The following ITGA1 variants were observed in gnomAD, a reference collection of about 807,000 sequenced individuals.
ITGA1 encodes integrin alpha-1.
In ITGA1, 85 loss-of-function variants were observed where a neutral mutation model predicts 145.9. That is an observed-to-expected ratio of 0.58 (90% CI 0.49 to 0.70). The LOEUF is 0.70. ITGA1 is among the 30% of genes least tolerant of loss of function. The pLI is 0.00. For synonymous variants in ITGA1, 520 were observed against 495.3 expected (o/e 1.05, Z -0.66); for missense variants, 1,351 against 1,418.7 (o/e 0.95, Z 0.77).
intron 28 of ITGA1, among the ~76,000 whole-genome samples, chr5:52,950,731 A>G (rs1229810065): frequency 6.6e-6 from 1 of 152,220 alleles, no homozygotes; most frequent in Non-Finnish European, 1.5e-5. Flanking sequence ...TTTAAAATAG[A>G]ACATTTAATG....
At chr5:52,900,665 C>T (rs6450093) in intron 11 of ITGA1, among the ~76,000 whole-genome samples, 5,199 of 152,158 alleles carry the variant, frequency 0.034, 340 homozygotes, top group African/African-American at 0.12. Context: ...GTACAATTAG[C>T]GATAGCGATG....
intron 1 of ITGA1, chr5:52,801,727 C>G: frequency 6.2e-7 from 1 of 1,614,074 alleles, no homozygotes. Flanking sequence ...ATTCTCTAGT[C>G]TTCACGTTTC....
chr5:52,847,799 C>T (rs1051062013), intron 1 of ITGA1, among the ~76,000 whole-genome samples: 1 of 152,178 alleles, frequency 6.6e-6, no homozygotes, highest in Non-Finnish European at 1.5e-5. Flanking sequence ...AGGTGATCCA[C>T]CCACCTCTCA....
chr5:52,912,745 T>G (rs1561247380), intron 14 of ITGA1, among the ~76,000 whole-genome samples: 1 of 146,006 alleles, frequency 6.8e-6, no homozygotes, highest in East Asian at 2.0e-4. Flanking sequence ...TGTGTGTATA[T>G]ATATATATAT....
intron 2 of ITGA1, among the ~76,000 whole-genome samples, chr5:52,857,579 T>G (rs1749536562): frequency 6.6e-6 from 1 of 152,134 alleles, no homozygotes. Context: ...TTGCCTCCTA[T>G]TCTTTATATT....
At chr5:52,933,550 GAA>G (rs201301316) in intron 22 of ITGA1, 9,664 of 155,726 alleles carry the variant, frequency 0.062, 785 homozygotes, top group African/African-American at 0.19. Context: ...AATCTATTTA[GAA>G]TTCAGCATTA....
At chr5:52,804,555 T>A (rs973654323) in intron 1 of ITGA1, among the ~76,000 whole-genome samples, 11 of 152,202 alleles carry the variant, frequency 7.2e-5, no homozygotes, top group Admixed American at 5.2e-4. Flanking sequence ...TATCTTTACT[T>A]AGTTTCTGTC....
chr5:52,852,014 T>C (rs899800578), intron 2 of ITGA1, among the ~76,000 whole-genome samples: 6 of 152,152 alleles, frequency 3.9e-5, no homozygotes, highest in African/African-American at 1.4e-4. Flanking sequence ...ATAAATTCAA[T>C]GGGAATTCAA....
chr5:52,931,956 G>T, intron 21 of ITGA1, 91 bp from the exon 22 acceptor site: 1 of 731,378 alleles, frequency 1.4e-6, no homozygotes, highest in Non-Finnish European at 2.4e-6. Flanking sequence ...TTATTTAGTT[G>T]CCAGGATAAG....
chr5:52,802,047 C>T (rs989889670), intron 1 of ITGA1: 1 of 488,490 alleles, frequency 2.0e-6, no homozygotes. Flanking sequence ...CACGTACTAC[C>T]ATCTTGATTA....
chr5:52,891,601 A>G (rs1054353578), intron 8 of ITGA1, among the ~76,000 whole-genome samples: 1 of 151,112 alleles, frequency 6.6e-6, no homozygotes, highest in Non-Finnish European at 1.5e-5. Flanking sequence ...TTCAGGTAAC[A>G]CTTGCAACTA....
In ITGA1 at chr5:52,925,335, C is replaced by T. The variant is rs1161182063; in HGVS notation, c.2461C>T (p.His821Tyr). The change falls in exon 19 of 29, where the codon CAT (histidine) becomes TAT (tyrosine). Residue 821 changes from histidine (H) to tyrosine (Y), a missense_variant. Coordinates refer to ENST00000282588, the MANE Select transcript of ITGA1 (RefSeq NM_181501.2). Reference protein sequence around the residue: ...KEKCISDLSLHVATTEKDLLI... With the variant: ...KEKCISDLSLYVATTEKDLLI... ...AAAATGTATCTCAGACCTCAGCCTGCATGTCGCCACCACTGAAAAGGACCT... is the reference window on the plus strand; with the variant it reads ...AAAATGTATCTCAGACCTCAGCCTGTATGTCGCCACCACTGAAAAGGACCT... 6 of 1,614,116 alleles carry T rather than the reference C, an allele frequency of 3.7e-6. No homozygotes were observed. In the South Asian group the frequency reaches 4.4e-5, roughly 12 times the overall value.
intron 1 of ITGA1, chr5:52,800,135 G>T (rs537802580): frequency 7.8e-6 from 4 of 511,870 alleles, no homozygotes; most frequent in Non-Finnish European, 1.4e-5. Flanking sequence ...AGCGGGAACT[G>T]TGTAGGGGTA....
intron 18 of ITGA1, 119 bp from the exon 19 acceptor site, chr5:52,925,159 C>A: frequency 1.5e-6 from 1 of 682,888 alleles, no homozygotes; most frequent in Admixed American, 2.5e-5. Context: ...CAGGGAAATT[C>A]TCCTTATGAG....
At chr5:52,877,300 A>C (rs746086926) in intron 6 of ITGA1, among the ~76,000 whole-genome samples, 7 of 152,146 alleles carry the variant, frequency 4.6e-5, no homozygotes, top group Non-Finnish European at 8.8e-5. Flanking sequence ...TCAGCAGCAA[A>C]GAGACTGACC....
Position 52,910,078 on chromosome 5 carries a change from G to A in ITGA1, c.1600-84G>A, listed in dbSNP as rs370606330. 4.4e-5 allele frequency: 57 copies of A among 1,287,292 alleles called. No individual in the cohort carries two copies. In the African/African-American group the frequency reaches 6.4e-4, roughly 14 times the overall value. 79.7% of individuals were successfully genotyped at this position (1,287,292 alleles called of 1,614,324 possible). On this transcript the variant is annotated intron_variant, in intron 13 of 28. Transcript: ENST00000282588. ...ACTAATGTACAAATGGCTGTTAATA[G>A]CACTGATTTAGTATACTTTAAAAAT...
At chr5:52,879,615 A>G (rs1749922789) in intron 6 of ITGA1, among the ~76,000 whole-genome samples, 2 of 152,320 alleles carry the variant, frequency 1.3e-5, no homozygotes, top group South Asian at 4.1e-4. Flanking sequence ...TGTTCCTCAC[A>G]TTTTATTATA....
At chr5:52,800,469 CAT>C in intron 1 of ITGA1, 2 of 1,614,076 alleles carry the variant, frequency 1.2e-6, no homozygotes, top group Non-Finnish European at 1.7e-6. Flanking sequence ...AGCCTGAGGA[CAT>C]GTGGCACACT....
chr5:52,899,677 G>A (rs16880453), intron 11 of ITGA1, among the ~76,000 whole-genome samples: 2 of 151,926 alleles, frequency 1.3e-5, no homozygotes, highest in Admixed American at 6.6e-5. Flanking sequence ...TCACTCTCTC[G>A]AAAACTTAAA....
Sources: gnomAD v4.1 joint callset for allele counts (sites outside exome capture counted in the v4.1 genomes callset) on GRCh38, gnomAD v4.1.1 for gene constraint, MANE v1.5 for transcripts, NCBI Gene and HGNC (gene_info 2026-07-23, HGNC 2026-07-21) for gene names.